Variants in GPR137B observed in about 807,000 individuals in gnomAD.
GPR137B encodes integral membrane protein GPR137B.
Under a neutral mutation model 42.5 loss-of-function variants are expected in GPR137B, and 42 were observed. The ratio of observed to expected loss-of-function variants is 0.99; its 90% CI spans 0.77 to 1.28. The LOEUF (loss-of-function observed/expected upper bound fraction) is 1.28. Ranked by LOEUF, GPR137B falls within the 50% of genes most tolerant of loss-of-function variation. The pLI, the probability that GPR137B is intolerant of heterozygous loss-of-function variation, is 0.00. For missense variants in GPR137B, 487 were observed against 493.9 expected (o/e 0.99, Z 0.13); for synonymous variants, 218 against 209.7 (o/e 1.04, Z -0.34).
At chr1:236,148,240 C>T (rs1558477301) in intron 1 of GPR137B, among the ~76,000 whole-genome samples, 3 of 152,184 alleles carry the variant, frequency 2.0e-5, no homozygotes, top group African/African-American at 7.2e-5. Flanking sequence ...GATAGAGGCT[C>T]AGAAGCAAAG....
At chr1:236,176,901 T>C (rs1218638415) in intron 2 of GPR137B, among the ~76,000 whole-genome samples, 1 of 152,112 alleles carries the variant, frequency 6.6e-6, no homozygotes, top group African/African-American at 2.4e-5. Flanking sequence ...TGTTTTGTTA[T>C]AAACTGTGAT....
chr1:236,145,269 C>T (rs1376135883), intron 1 of GPR137B, among the ~76,000 whole-genome samples: 1 of 152,224 alleles, frequency 6.6e-6, no homozygotes, highest in Non-Finnish European at 1.5e-5. Context: ...CTCACCCCCT[C>T]TTTCTCTTAC....
Position 236,150,013 on chromosome 1 carries a change from G to GCCTGTGTGTGTA in GPR137B, c.414+6989_414+7000dup, listed in dbSNP as rs1184441473. ...TTTGTGTATGTGTGCCTGTGTGTGT[G>GCCTGTGTGTGTA]CCTGTGTGTGTACCTGTGTGTGTGT... On this transcript the variant is annotated intron_variant, in intron 1 of 6. Transcript: ENST00000366592. The surrounding 1 kb of genome is among the most constrained non-coding windows in gnomAD (Gnocchi z 6.2). 6.6e-6 allele frequency among the ~76,000 whole-genome samples: 1 copy of GCCTGTGTGTGTA among 151,236 alleles called. No individual in the cohort carries two copies. The highest frequency in any genetic ancestry group is 1.5e-5 in the Non-Finnish European group (1 of 67,752).
At chr1:236,160,722 TC>T (rs1662166980) in intron 1 of GPR137B, among the ~76,000 whole-genome samples, 1 of 152,012 alleles carries the variant, frequency 6.6e-6, no homozygotes, top group Admixed American at 6.6e-5. Flanking sequence ...CCCTCCAGCC[TC>T]CCCGTCAGTC....
intron 5 of GPR137B, among the ~76,000 whole-genome samples, chr1:236,204,413 G>A (rs1439323176): frequency 6.6e-6 from 1 of 152,164 alleles, no homozygotes; most frequent in African/African-American, 2.4e-5. Flanking sequence ...CCTCCTCCAT[G>A]AGTGTAGAAG....
intron 4 of GPR137B, among the ~76,000 whole-genome samples, chr1:236,182,181 G>A (rs928242425): frequency 2.0e-5 from 3 of 152,086 alleles, no homozygotes; most frequent in African/African-American, 4.8e-5. Context: ...GTCAGCCACC[G>A]TTGGCTGGCC....
intron 4 of GPR137B, among the ~76,000 whole-genome samples, chr1:236,183,530 C>T (rs962547009): frequency 4.6e-5 from 7 of 151,970 alleles, no homozygotes; most frequent in African/African-American, 9.7e-5. Context: ...TTAAAAAATC[C>T]GTATCTGAGG....
rs752518355 is a variant in GPR137B at position 236,156,234 on chromosome 1, C to T, written c.415-12472C>T. On this transcript the variant is annotated intron_variant, in intron 1 of 6. Transcript: ENST00000366592. The surrounding 1 kb of genome is among the most constrained non-coding windows in gnomAD (Gnocchi z 4.8). The stretch of plus-strand genomic sequence containing the variant: ...GGCCAGGAGCAGGCAGGACCAGCTT[C>T]TTGGGCCACATGCTTGCCAAAGTCA... 4.0e-4 allele frequency among the ~76,000 whole-genome samples: 61 copies of T among 152,334 alleles called. No individual in the cohort carries two copies. The highest frequency in any genetic ancestry group is 6.5e-4 in the Admixed American group (10 of 15,308).
At chr1:236,167,212 C>G (rs1042849303) in intron 1 of GPR137B, among the ~76,000 whole-genome samples, 11 of 152,214 alleles carry the variant, frequency 7.2e-5, no homozygotes, top group Non-Finnish European at 1.6e-4. Flanking sequence ...TTCCCACAAT[C>G]AAGCTAGTTA....
chr1:236,164,968 G>A (rs939892502), intron 1 of GPR137B, among the ~76,000 whole-genome samples: 7 of 152,004 alleles, frequency 4.6e-5, no homozygotes, highest in African/African-American at 1.7e-4. Flanking sequence ...GCAATGGTGT[G>A]ATCTCAGTTC....
chr1:236,175,164 C>T (rs1662648753), intron 2 of GPR137B, among the ~76,000 whole-genome samples: 1 of 152,106 alleles, frequency 6.6e-6, no homozygotes, highest in African/African-American at 2.4e-5. Context: ...TGCATTCCAA[C>T]CTGGGTGACA....
At chr1:236,207,910 T>C in intron 6 of GPR137B, 140 bp from the exon 7 acceptor site, 1 of 619,360 alleles carries the variant, frequency 1.6e-6, no homozygotes, top group Non-Finnish European at 2.8e-6. Flanking sequence ...TGTGGGAAAA[T>C]GGACTTTAAG....
At chr1:236,198,251 C>T (rs1439339428) in intron 5 of GPR137B, among the ~76,000 whole-genome samples, 2 of 151,982 alleles carry the variant, frequency 1.3e-5, no homozygotes, top group African/African-American at 4.8e-5. Flanking sequence ...GTCGTCCAGG[C>T]TGGAGTGCAG....
chr1:236,171,908 G>T lies in GPR137B; in HGVS notation c.464+3153G>T, dbSNP rs372181681. Among the ~76,000 whole-genome samples the T allele has an allele frequency of 6.6e-6, 1 of 152,016 alleles. No homozygotes were observed. The highest frequency in any genetic ancestry group is 6.6e-5 in the Admixed American group (1 of 15,254). ...ACAAAAATTAGCCAGGCATGATGGC[G>T]CATGCCTGTAATCCCAGCTACTTGG... On this transcript the variant is annotated intron_variant, in intron 2 of 6. Coordinates refer to ENST00000366592, the MANE Select transcript of GPR137B (RefSeq NM_003272.4). The surrounding 1 kb of genome is among the most constrained non-coding windows in gnomAD (Gnocchi z 4.4).
At chr1:236,191,170 G>T (rs1007145248) in intron 5 of GPR137B, among the ~76,000 whole-genome samples, 1 of 152,048 alleles carries the variant, frequency 6.6e-6, no homozygotes, top group African/African-American at 2.4e-5. Flanking sequence ...AAGTTCTTGT[G>T]CTATGTTTTT....
Sources: gnomAD v4.1 joint callset for allele counts (sites outside exome capture counted in the v4.1 genomes callset) on GRCh38, gnomAD v4.1.1 for gene constraint, Gnocchi (gnomAD v3.1) non-coding constraint, MANE v1.5 for transcripts, NCBI Gene and HGNC (gene_info 2026-07-23, HGNC 2026-07-21) for gene names.